Variants in RUNX3 observed in about 807,000 individuals in gnomAD.
RUNX3 encodes runt-related transcription factor 3.
In RUNX3, 10 loss-of-function variants were observed where a neutral mutation model predicts 27.7. That is an observed-to-expected ratio of 0.36 (90% CI 0.22 to 0.61). The LOEUF (loss-of-function observed/expected upper bound fraction) is 0.61. Ranked by LOEUF, RUNX3 falls within the 20% of genes least tolerant of loss-of-function variation. RUNX3 has a pLI of 0.72. For missense variants in RUNX3, 469 were observed against 629.5 expected (o/e 0.75, Z 2.73); for synonymous variants, 270 against 269.2 (o/e 1.00, Z -0.03).
At chr1:24,929,107 G>A in intron 1 of RUNX3, 1 of 459,966 alleles carries the variant, frequency 2.2e-6, no homozygotes, top group Non-Finnish European at 4.4e-6. Context: ...GCCTAGCGCC[G>A]TCCGGTAAAA....
rs1436357369 is a variant in RUNX3 at position 24,923,122 on chromosome 1, CACCCAT to C, written c.440-3784_440-3779del. Among the ~76,000 whole-genome samples the C allele has an allele frequency of 6.6e-6, 1 of 152,170 alleles. No individual in the cohort carries two copies. Among genetic ancestry groups the C allele is most frequent in the Non-Finnish European group, 1.5e-5 (1 of 68,040 alleles). ...CCGCTCCTGAGAAGTGAGAAGCCCC[CACCCAT>C]ACCAGGTAGCAAACCACATGCCACC... On this transcript the variant is annotated intron_variant, in intron 2 of 4. Coordinates refer to ENST00000308873, the MANE Select transcript of RUNX3 (RefSeq NM_004350.3). This position sits in a 1 kb window ranked among gnomAD's most constrained non-coding sequence, Gnocchi z 5.9.
intron 2 of RUNX3, among the ~76,000 whole-genome samples, chr1:24,947,466 CAAAG>C (rs1244574049): frequency 3.9e-5 from 6 of 152,074 alleles, no homozygotes; most frequent in Admixed American, 2.6e-4. Flanking sequence ...AGTGCTGAGT[CAAAG>C]AGAGAGAGAA....
intron 3 of RUNX3, among the ~76,000 whole-genome samples, chr1:24,914,712 G>A (rs1248344567): frequency 6.6e-6 from 1 of 152,116 alleles, no homozygotes; most frequent in Non-Finnish European, 1.5e-5. Flanking sequence ...GGGGGTTGTG[G>A]GGATCTTGGG....
At chr1:24,929,364 G>A (rs1641165252) in intron 1 of RUNX3, 2 of 699,796 alleles carry the variant, frequency 2.9e-6, no homozygotes, top group Admixed American at 2.0e-5. Context: ...AAACCCAGGT[G>A]GAGCGGGGCA....
At chr1:24,910,349 G>T (rs1379222176) in intron 3 of RUNX3, among the ~76,000 whole-genome samples, 1 of 151,664 alleles carries the variant, frequency 6.6e-6, no homozygotes, top group Admixed American at 6.6e-5. Context: ...TTTGCCTAAG[G>T]CCTTGGGTCT....
At chr1:24,964,410 G>A (rs911081635) in intron 2 of RUNX3, 10 of 894,790 alleles carry the variant, frequency 1.1e-5, no homozygotes, top group East Asian at 2.6e-5. Flanking sequence ...GGATTTAGGC[G>A]GACAGGCTGT....
rs570713204 is a variant in RUNX3, at chr1:24,925,640, C to T, written c.439+1934G>A. On this transcript the variant is annotated intron_variant, in intron 2 of 4. Coordinates refer to ENST00000308873, the MANE Select transcript of RUNX3 (RefSeq NM_004350.3). ...AGGGTGGCTGATACTAGAATGCAGGCTCTCAAAGACCTCGAGCCTCTGAAG... is the reference window on the plus strand; with the variant it reads ...AGGGTGGCTGATACTAGAATGCAGGTTCTCAAAGACCTCGAGCCTCTGAAG... 3.3e-5 allele frequency among the ~76,000 whole-genome samples: 5 copies of T among 152,272 alleles called. No homozygotes were observed. In the East Asian group the frequency reaches 9.6e-4, roughly 29 times the overall value.
intron 3 of RUNX3, among the ~76,000 whole-genome samples, chr1:24,908,177 G>GCTCTACGACACGCGGTGATCCGAAC (rs1557837314): frequency 7.8e-5 from 5 of 63,880 alleles, no homozygotes; most frequent in Admixed American, 1.4e-4. Flanking sequence ...GTGATCCGAA[G>GCTCTACGACACGCGGTGATCCGAAC]CTCTACGACA....
chr1:24,909,912 G>A (rs1391201666), intron 3 of RUNX3, among the ~76,000 whole-genome samples: 1 of 152,202 alleles, frequency 6.6e-6, no homozygotes, highest in African/African-American at 2.4e-5. Flanking sequence ...TAAGAGAACT[G>A]CAACTGCGGA....
chr1:24,905,647 T>C (rs1367373944), intron 4 of RUNX3, among the ~76,000 whole-genome samples: 1 of 152,184 alleles, frequency 6.6e-6, no homozygotes, highest in Non-Finnish European at 1.5e-5. Flanking sequence ...CACCCAGCAG[T>C]GGATGGGCAG....
chr1:24,902,509 C>A lies in RUNX3; in HGVS notation c.861G>T (p.Thr287=). 6.3e-7 allele frequency: 1 copy of A among 1,598,222 alleles called. No homozygotes were observed. The highest frequency in any genetic ancestry group is 8.6e-7 in the Non-Finnish European group (1 of 1,168,364). ...AFPYSATPSG[T]SISSLSVAGM... The stretch of plus-strand genomic sequence containing the variant: ...CCGCCACGCTGAGGCTGCTGATGCT[C>A]GTGCCCGAGGGCGTGGCGCTGTAGG... The change falls in exon 5 of 5, where the codon ACG becomes ACT. Residue 287 remains threonine (T), a synonymous_variant. Coordinates refer to ENST00000308873, the MANE Select transcript of RUNX3 (RefSeq NM_004350.3). This position sits in a 1 kb window ranked among gnomAD's most constrained non-coding sequence, Gnocchi z 9.2.
Position 24,902,215 on chromosome 1 carries a change from A to G in RUNX3, c.1155T>C (p.Ser385=), listed in dbSNP as rs762604430. Residue 385 remains serine (S), a synonymous_variant, in exon 5 of 5, where the codon AGT becomes AGC. Transcript: ENST00000308873. This position sits in a 1 kb window ranked among gnomAD's most constrained non-coding sequence, Gnocchi z 9.2. ...GGCTGCCGTCGGCCTCCACGCCATC[A>G]CTCTGGCCGCCCAGGCTGGGGTTCA... ...NLMNPSLGGQ[S]DGVEADGSHS... The G allele has an allele frequency of 5.1e-6, 8 of 1,570,896 alleles. No homozygotes were observed. In the African/African-American group the frequency reaches 1.1e-4, roughly 21 times the overall value.
intron 3 of RUNX3, among the ~76,000 whole-genome samples, chr1:24,914,375 G>C (rs535642447): frequency 6.6e-6 from 1 of 152,238 alleles, no homozygotes; most frequent in Non-Finnish European, 1.5e-5. Context: ...GTGGGGCGCC[G>C]GGCCCGAGGC....
intron 3 of RUNX3, among the ~76,000 whole-genome samples, chr1:24,911,686 C>G (rs370850609): frequency 3.6e-4 from 55 of 152,246 alleles, no homozygotes; most frequent in African/African-American, 1.2e-3. Flanking sequence ...GCCTGAGCAG[C>G]AAGGCAGGAT....
intron 3 of RUNX3, among the ~76,000 whole-genome samples, chr1:24,909,648 C>G (rs1640759284): frequency 6.6e-6 from 1 of 152,236 alleles, no homozygotes; most frequent in Non-Finnish European, 1.5e-5. Context: ...GCAGTCCTCT[C>G]CACCCACATT....
intron 3 of RUNX3, among the ~76,000 whole-genome samples, chr1:24,915,547 AG>A (rs1205985626): frequency 6.6e-6 from 1 of 152,204 alleles, no homozygotes; most frequent in Non-Finnish European, 1.5e-5. Context: ...AGGAAGGAAA[AG>A]GGGGAGAGGT....
intron 2 of RUNX3, among the ~76,000 whole-genome samples, chr1:24,946,837 A>G (rs894707961): frequency 1.3e-5 from 2 of 152,180 alleles, no homozygotes; most frequent in African/African-American, 4.8e-5. Flanking sequence ...AGCCGGGGGC[A>G]GTATTCCACC....
rs1640562185 is a variant in RUNX3 at position 24,901,995 on chromosome 1, C to A, written c.*127G>T. 5 of 883,056 alleles carry A rather than the reference C, an allele frequency of 5.7e-6. No homozygotes were observed. In the South Asian group the frequency reaches 9.0e-5, roughly 16 times the overall value. The allele number at this position is 883,056 out of a possible 1,614,324, so 54.7% of individuals were successfully genotyped here. A position where few individuals can be genotyped will look rare whatever the true frequency, so the allele number is the denominator to read the frequency against. On this transcript the variant is annotated 3_prime_UTR_variant, in exon 5 of 5. Coordinates refer to ENST00000308873, the MANE Select transcript of RUNX3 (RefSeq NM_004350.3). ...GCCAGAGGCTCCCACCAGCTGGGAC[C>A]ACCCTGGGACCGAGACCACCCTGGA...
In RUNX3 at chr1:24,902,226, C is replaced by T. The variant is rs1158621299; in HGVS notation, c.1144G>A (p.Gly382Ser). The T allele has an allele frequency of 1.3e-6, 2 of 1,574,104 alleles. No individual in the cohort carries two copies. Among genetic ancestry groups the T allele is most frequent in the Non-Finnish European group, 1.7e-6 (2 of 1,161,756 alleles). ...GCCTCCACGCCATCACTCTGGCCGC[C>T]CAGGCTGGGGTTCATGAGGTTGCCG... ...AAGNLMNPSL[G>S]GQSDGVEADG... Residue 382 changes from glycine (G) to serine (S), a missense_variant, in exon 5 of 5, where the codon GGC becomes AGC. Gly to Ser is a moderately conservative substitution (Grantham distance 56). This residue lies in a region of RUNX3 where 279 missense variants were observed against 343.0 expected (regional missense o/e 0.81). Coordinates refer to ENST00000308873, the MANE Select transcript of RUNX3 (RefSeq NM_004350.3). The surrounding 1 kb of genome is among the most constrained non-coding windows in gnomAD (Gnocchi z 9.2).
Sources: allele counts gnomAD v4.1 joint callset (sites outside exome capture counted in the v4.1 genomes callset), GRCh38; gene constraint gnomAD v4.1.1; regional missense constraint gnomAD v4.1.1; non-coding constraint Gnocchi (gnomAD v3.1); transcripts MANE v1.5; gene names NCBI Gene and HGNC (gene_info 2026-07-23, HGNC 2026-07-21).